The following CCDC88A variants were observed in gnomAD, a reference collection of about 807,000 sequenced individuals.
The protein encoded by CCDC88A is girdin.
Under a neutral mutation model 234.3 loss-of-function variants are expected in CCDC88A, and 54 were observed. The observed-to-expected ratio is 0.23, with a 90% CI of 0.19 to 0.29. The LOEUF is 0.29. CCDC88A is among the 10% of genes least tolerant of loss of function. The pLI is 1.00. For synonymous variants in CCDC88A, 753 were observed against 737.8 expected, an observed-to-expected ratio of 1.02 and a Z score of -0.33; for missense variants, 1,832 against 2,123.4, an observed-to-expected ratio of 0.86 and a Z score of 2.70.
At chr2:55,302,795 G>T in intron 26 of CCDC88A, 1 of 234,802 alleles carries the variant, frequency 4.3e-6, no homozygotes, top group Non-Finnish European at 8.3e-6. Flanking sequence ...AAAATAAAGG[G>T]TTTTTTTCCT....
intron 13 of CCDC88A, 140 bp downstream of exon 13, chr2:55,339,324 A>G (rs1328007601): frequency 3.8e-6 from 3 of 786,920 alleles, no homozygotes; most frequent in African/African-American, 3.7e-5. Context: ...TTCACACCAT[A>G]TTTGTGTATA....
At chr2:55,363,183 T>C (rs575153229) in intron 6 of CCDC88A, among the ~76,000 whole-genome samples, 5 of 151,986 alleles carry the variant, frequency 3.3e-5, no homozygotes, top group African/African-American at 1.2e-4. Flanking sequence ...AATATGCTTA[T>C]TGTTGATAAT....
intron 8 of CCDC88A, among the ~76,000 whole-genome samples, chr2:55,351,114 T>A (rs1216614422): frequency 6.6e-6 from 1 of 152,170 alleles, no homozygotes; most frequent in Non-Finnish European, 1.5e-5. Flanking sequence ...CTTTTTCTTT[T>A]CTTTTTTAAG....
At chr2:55,377,122 G>A (rs887206832) in intron 3 of CCDC88A, among the ~76,000 whole-genome samples, 7 of 151,538 alleles carry the variant, frequency 4.6e-5, no homozygotes, top group African/African-American at 7.3e-5. Context: ...ATGAGCCACC[G>A]TGCCCGGACA....
At chr2:55,359,266 A>G (rs1191191709) in intron 7 of CCDC88A, among the ~76,000 whole-genome samples, 2 of 152,152 alleles carry the variant, frequency 1.3e-5, no homozygotes, top group South Asian at 2.1e-4. Context: ...AGGAGAAAAT[A>G]CAGAAGACAG....
intron 5 of CCDC88A, among the ~76,000 whole-genome samples, chr2:55,368,280 T>G (rs1044895179): frequency 1.3e-5 from 2 of 152,218 alleles, no homozygotes; most frequent in African/African-American, 4.8e-5. Context: ...TGGCTTTTAC[T>G]TACATATAAT....
At chr2:55,299,256 GA>G (rs1680595675) in intron 29 of CCDC88A, among the ~76,000 whole-genome samples, 1 of 152,052 alleles carries the variant, frequency 6.6e-6, no homozygotes, top group Admixed American at 6.6e-5. Context: ...ATATCTTTAA[GA>G]AAAAGGTATC....
At chr2:55,327,710 T>C (rs1237098280) in intron 17 of CCDC88A, among the ~76,000 whole-genome samples, 1 of 152,218 alleles carries the variant, frequency 6.6e-6, no homozygotes, top group Non-Finnish European at 1.5e-5. Flanking sequence ...TCTACCAATC[T>C]ACCATCTACT....
At chr2:55,364,766 T>C (rs1453707472) in intron 5 of CCDC88A, among the ~76,000 whole-genome samples, 1 of 152,112 alleles carries the variant, frequency 6.6e-6, no homozygotes, top group East Asian at 1.9e-4. Context: ...ATCTTTTCCT[T>C]CCAGTCAGCA....
Position 55,334,414 on chromosome 2 carries a change from G to T in CCDC88A, c.2407C>A (p.Leu803Ile), listed in dbSNP as rs1685255344. 1.3e-6 allele frequency: 2 copies of T among 1,578,728 alleles called. No individual in the cohort carries two copies. Among genetic ancestry groups the T allele is most frequent in the South Asian group, 2.4e-5 (2 of 83,996 alleles). Reference protein sequence around the residue: ...NQTLQKNLEELKISSKRLEQL... With the variant: ...NQTLQKNLEEIKISSKRLEQL... The stretch of plus-strand genomic sequence containing the variant: ...TCTAGTCTTTTGCTAGATATTTTTA[G>T]TTCTTCTAGGTTTTTCTGCAATGTT... The change falls in exon 15 of 33, where the codon CTA (leucine) becomes ATA (isoleucine). Residue 803 changes from leucine to isoleucine, a missense_variant. Physicochemically the swap from Leu to Ile is conservative, Grantham distance 5. This residue lies in a region of CCDC88A where 1,282 missense variants were observed against 1,543.6 expected (regional missense o/e 0.83). Coordinates refer to ENST00000436346, the MANE Select transcript of CCDC88A (RefSeq NM_001365480.1). The surrounding 1 kb of genome is among the most constrained non-coding windows in gnomAD (Gnocchi z 6.1).
intron 2 of CCDC88A, among the ~76,000 whole-genome samples, chr2:55,391,312 G>A (rs557857984): frequency 2.6e-5 from 4 of 152,144 alleles, no homozygotes; most frequent in African/African-American, 9.6e-5. Flanking sequence ...TTGACAACCT[G>A]CCAAAACAAA....
chr2:55,419,121 T>A lies in CCDC88A; in HGVS notation c.-42A>T. On this transcript the variant is annotated 5_prime_UTR_variant, in exon 1 of 33. Coordinates refer to ENST00000436346, the MANE Select transcript of CCDC88A (RefSeq NM_001365480.1). ...TTGAAAAAAGGAACTACCACAAAAA[T>A]ACGCCTAGGGAATTGGTCACTAAAC... 8.3e-7 allele frequency: 1 copy of A among 1,200,822 alleles called. No homozygotes were observed. Among genetic ancestry groups the A allele is most frequent in the Non-Finnish European group, 1.2e-6 (1 of 809,714 alleles). 74.4% of individuals were successfully genotyped at this position (1,200,822 alleles called of 1,614,324 possible).
chr2:55,377,989 C>G (rs1315561002), intron 3 of CCDC88A, among the ~76,000 whole-genome samples: 2 of 152,284 alleles, frequency 1.3e-5, no homozygotes, highest in Non-Finnish European at 1.5e-5. Flanking sequence ...ATTTACGTCA[C>G]TTATTTTTGA....
rs552077139 is a variant in CCDC88A, at chr2:55,336,163, C to T, written c.1656+518G>A. The stretch of plus-strand genomic sequence containing the variant: ...AAGCTATGATTGTGCCACTGCACTC[C>T]AGCATGAGTGACAGAGCTGGACCCT... On this transcript the variant is annotated intron_variant, in intron 14 of 32. Transcript: ENST00000436346. 3.3e-5 allele frequency among the ~76,000 whole-genome samples: 5 copies of T among 152,228 alleles called. No homozygotes were observed. In the South Asian group the frequency reaches 1.0e-3, roughly 32 times the overall value.
rs1202385368 is a variant in CCDC88A, at chr2:55,397,602, CATT to C, written c.165-8719_165-8717del. Among the ~76,000 whole-genome samples, 13 of 151,942 alleles carry C rather than the reference CATT, an allele frequency of 8.6e-5. No individual in the cohort carries two copies. In the East Asian group the frequency reaches 2.3e-3, roughly 27 times the overall value. ...TATTCTAATGAACATATAGTAATAT[CATT>C]ATTTTAATACATTTTATAATGTAAA... On this transcript the variant is annotated intron_variant, in intron 2 of 32. Transcript: ENST00000436346.
At chr2:55,378,801 A>C (rs1674120349) in intron 3 of CCDC88A, among the ~76,000 whole-genome samples, 1 of 147,730 alleles carries the variant, frequency 6.8e-6, no homozygotes, top group Non-Finnish European at 1.5e-5. Flanking sequence ...GCTGGAGTGC[A>C]GTGGCACGTT....
At position 55,328,167 on chromosome 2, in the gene CCDC88A, T is replaced by C. The variant is rs1276072651; in HGVS notation, c.2997+127A>G. ...CTGTTTAAGAATATTCTCAAGTTTA[T>C]GAAAAAGGAAGAAATAGACTAAATA... On this transcript the variant is annotated intron_variant, in intron 17 of 32. Coordinates refer to ENST00000436346, the MANE Select transcript of CCDC88A (RefSeq NM_001365480.1). This position sits in a 1 kb window ranked among gnomAD's most constrained non-coding sequence, Gnocchi z 4.3. 4 of 760,824 alleles carry C rather than the reference T, an allele frequency of 5.3e-6. No individual in the cohort carries two copies. Among genetic ancestry groups the C allele is most frequent in the Non-Finnish European group, 8.3e-6 (4 of 480,900 alleles). 47.1% of individuals were successfully genotyped at this position (760,824 alleles called of 1,614,324 possible). A position where few individuals can be genotyped will look rare whatever the true frequency, so the allele number is the denominator to read the frequency against.
intron 8 of CCDC88A, among the ~76,000 whole-genome samples, chr2:55,351,604 C>G (rs553574747): frequency 1.3e-5 from 2 of 152,342 alleles, no homozygotes; most frequent in Admixed American, 1.3e-4. Context: ...CCTCAGCCTC[C>G]CAAAGTGCTG....
chr2:55,393,220 T>C (rs1297744889), intron 2 of CCDC88A, among the ~76,000 whole-genome samples: 1 of 151,658 alleles, frequency 6.6e-6, no homozygotes, highest in East Asian at 1.9e-4. Context: ...ATGGATTTTT[T>C]TTTCTCTTAC....
Sources: allele counts gnomAD v4.1 joint callset (sites outside exome capture counted in the v4.1 genomes callset), GRCh38; gene constraint gnomAD v4.1.1; regional missense constraint gnomAD v4.1.1; non-coding constraint Gnocchi (gnomAD v3.1); transcripts MANE v1.5; gene names NCBI Gene and HGNC (gene_info 2026-07-23, HGNC 2026-07-21).